The following XRRA1 variants were observed in gnomAD, a reference collection of about 807,000 sequenced individuals.
The protein encoded by XRRA1 is X-ray radiation resistance associated 1.
XRRA1 carries 69 observed loss-of-function variants against 80.2 expected under a neutral mutation model. The ratio of observed to expected loss-of-function variants is 0.86; its 90% CI spans 0.71 to 1.05. The LOEUF is 1.05. Ranked by LOEUF, XRRA1 falls within the 50% of genes least tolerant of loss-of-function variation. The pLI is 0.00. For missense variants in XRRA1, 967 were observed against 976.4 expected, an observed-to-expected ratio of 0.99 and a Z score of 0.13; for synonymous variants, 348 against 389.9, an observed-to-expected ratio of 0.89 and a Z score of 1.27.
intron 7 of XRRA1, among the ~76,000 whole-genome samples, chr11:74,926,119 T>C (rs1379645525): frequency 6.6e-6 from 1 of 152,232 alleles, no homozygotes; most frequent in East Asian, 1.9e-4. Flanking sequence ...AGGACTACTT[T>C]TGTCTCAAAT....
At chr11:74,938,657 TAA>T (rs1266160477) in intron 3 of XRRA1, among the ~76,000 whole-genome samples, 1 of 152,194 alleles carries the variant, frequency 6.6e-6, no homozygotes, top group African/African-American at 2.4e-5. Context: ...TGATGTTAAG[TAA>T]AAGAGATTAT....
At chr11:74,911,413 T>G (rs1230208475) in intron 8 of XRRA1, 1 of 152,168 alleles carries the variant, frequency 6.6e-6, no homozygotes, top group Non-Finnish European at 1.5e-5. Flanking sequence ...TTTCAACTGC[T>G]ACTCTGATGC....
intron 10 of XRRA1, among the ~76,000 whole-genome samples, chr11:74,896,144 G>A (rs1218085972): frequency 6.6e-6 from 1 of 152,266 alleles, no homozygotes; most frequent in Non-Finnish European, 1.5e-5. Flanking sequence ...GAAAAGCAGA[G>A]GGAAAAGTAA....
At chr11:74,897,660 G>T (rs1440788493) in intron 10 of XRRA1, among the ~76,000 whole-genome samples, 5 of 137,760 alleles carry the variant, frequency 3.6e-5, no homozygotes, top group Admixed American at 8.4e-5. Context: ...CTTTTCAGTG[G>T]AAACCTTACA....
At chr11:74,929,670 G>T (rs1205502977) in intron 6 of XRRA1, among the ~76,000 whole-genome samples, 1 of 152,118 alleles carries the variant, frequency 6.6e-6, no homozygotes, top group East Asian at 1.9e-4. Flanking sequence ...TCTAGTTCCT[G>T]AATCACTCCT....
chr11:74,874,200 C>T (rs146830702), intron 10 of XRRA1, among the ~76,000 whole-genome samples: 2,339 of 124,464 alleles, frequency 0.019, 61 homozygotes, highest in African/African-American at 0.064. Context: ...CACGCCACTG[C>T]GCTCCAGCCT....
chr11:74,889,694 A>G (rs192688863), intron 10 of XRRA1, among the ~76,000 whole-genome samples: 1,940 of 152,292 alleles, frequency 0.013, 48 homozygotes, highest in African/African-American at 0.044. Flanking sequence ...GCTCAAAATA[A>G]AGGGATGGAG....
intron 1 of XRRA1, among the ~76,000 whole-genome samples, chr11:74,947,409 C>G (rs1228054379): frequency 6.6e-6 from 1 of 151,962 alleles, no homozygotes; most frequent in Non-Finnish European, 1.5e-5. Flanking sequence ...GCCTGTAGTC[C>G]CAGCTACAAA....
At chr11:74,939,446 C>A (rs1393653646) in intron 3 of XRRA1, among the ~76,000 whole-genome samples, 1 of 152,178 alleles carries the variant, frequency 6.6e-6, no homozygotes, top group African/African-American at 2.4e-5. Flanking sequence ...CCATGGTTTA[C>A]AACCCAATTC....
intron 10 of XRRA1, among the ~76,000 whole-genome samples, chr11:74,870,537 G>C (rs371409667): frequency 5.4e-4 from 83 of 152,296 alleles, no homozygotes; most frequent in African/African-American, 2.0e-3. Flanking sequence ...AAATGCCATA[G>C]TAACCAGGAA....
intron 10 of XRRA1, among the ~76,000 whole-genome samples, chr11:74,876,049 T>C (rs1007091537): frequency 3.3e-5 from 5 of 152,208 alleles, no homozygotes; most frequent in African/African-American, 9.7e-5. Flanking sequence ...TTCCATGCTG[T>C]ACAGAAAAGG....
At position 74,845,223 on chromosome 11, in the gene XRRA1, TTAACTC is replaced by T. The variant is rs768121153; in HGVS notation, c.1771_1776del (p.Glu591_Leu592del). 3 of 1,613,986 alleles carry T rather than the reference TTAACTC, an allele frequency of 1.9e-6. No homozygotes were observed. Among genetic ancestry groups the T allele is most frequent in the Admixed American group, 1.7e-5 (1 of 60,028 alleles). ...GGTGGTTTCTTTTGGTCTTTCTCCTTTAACTCTAAATCATCCTTATGGATGACGGAG... is the reference window on the plus strand; with the variant it reads ...GGTGGTTTCTTTTGGTCTTTCTCCTTTAAATCATCCTTATGGATGACGGAG... On this transcript the variant is annotated inframe_deletion, in exon 16 of 19. Coordinates refer to ENST00000684022, the MANE Select transcript of XRRA1 (RefSeq NM_001378157.1).
Position 74,848,313 on chromosome 11 carries a change from C to T in XRRA1, c.1530G>A (p.Glu510=), listed in dbSNP as rs750672900. The part of the protein sequence containing the change: ...DLPTTKSTSV[E]SEMPTENLEG... ...CCAGGTTCTCAGTGGGCATCTCTGA[C>T]TCCACAGAAGTGCTTTTGGTAGTGG... The change falls in exon 15 of 19, where the codon GAG becomes GAA. Residue 510 remains glutamate, a synonymous_variant. Transcript: ENST00000684022. 2 of 1,613,812 alleles carry T rather than the reference C, an allele frequency of 1.2e-6. No homozygotes were observed. Among genetic ancestry groups the T allele is most frequent in the African/African-American group, 2.7e-5 (2 of 74,922 alleles).
At chr11:74,859,487 C>G (rs1242683320) in intron 11 of XRRA1, among the ~76,000 whole-genome samples, 1 of 152,132 alleles carries the variant, frequency 6.6e-6, no homozygotes, top group Non-Finnish European at 1.5e-5. Context: ...AATTAGCTTA[C>G]ATGATGAGCT....
intron 8 of XRRA1, among the ~76,000 whole-genome samples, chr11:74,911,914 A>T (rs2055993964): frequency 6.6e-6 from 1 of 152,200 alleles, no homozygotes; most frequent in Non-Finnish European, 1.5e-5. Context: ...GAAGGTGGGG[A>T]GTTTAATCAG....
rs1339364349 is a variant in XRRA1, at chr11:74,948,951, T to C, written c.-96A>G. 1 of 215,232 alleles carries C rather than the reference T, an allele frequency of 4.6e-6. No homozygotes were observed. The highest frequency in any genetic ancestry group is 9.4e-6 in the Non-Finnish European group (1 of 106,154). 13.3% of individuals were successfully genotyped at this position (215,232 alleles called of 1,614,324 possible). A position where few individuals can be genotyped will look rare whatever the true frequency, so the allele number is the denominator to read the frequency against. ...ACCTGCCTCCGGCGTCGCTTCAGCCTCCGAGGGGTCTGCGGAGGCGACGTC... is the reference window on the plus strand; with the variant it reads ...ACCTGCCTCCGGCGTCGCTTCAGCCCCCGAGGGGTCTGCGGAGGCGACGTC... On this transcript the variant is annotated 5_prime_UTR_variant, in exon 1 of 19. Coordinates refer to ENST00000684022, the MANE Select transcript of XRRA1 (RefSeq NM_001378157.1).
chr11:74,849,943 T>A (rs115542459), intron 14 of XRRA1, among the ~76,000 whole-genome samples: 3,443 of 152,306 alleles, frequency 0.023, 146 homozygotes, highest in African/African-American at 0.078. Context: ...TAGCCCCATC[T>A]CTGTATGCAC....
At chr11:74,947,112 GAACT>G (rs372394642) in intron 1 of XRRA1, among the ~76,000 whole-genome samples, 205 of 152,228 alleles carry the variant, frequency 1.3e-3, no homozygotes, top group African/African-American at 4.8e-3. Flanking sequence ...ATTGTTAATT[GAACT>G]AACCCAACCC....
At chr11:74,868,268 AAGCTAAG>A (rs1427018865) in intron 10 of XRRA1, among the ~76,000 whole-genome samples, 2 of 152,198 alleles carry the variant, frequency 1.3e-5, no homozygotes, top group African/African-American at 4.8e-5. Flanking sequence ...ATATCCAGCC[AAGCTAAG>A]CTTTGTAAGT....
Sources: gnomAD v4.1 joint callset for allele counts (sites outside exome capture counted in the v4.1 genomes callset) on GRCh38, gnomAD v4.1.1 for gene constraint, MANE v1.5 for transcripts, NCBI Gene and HGNC (gene_info 2026-07-23, HGNC 2026-07-21) for gene names.